The following PHLDB2 variants were observed in gnomAD, a reference collection of about 807,000 sequenced individuals.
The protein encoded by PHLDB2 is pleckstrin homology-like domain family B member 2.
PHLDB2 carries 71 observed loss-of-function variants against 123.6 expected under a neutral mutation model. The observed-to-expected ratio is 0.57, with a 90% confidence interval of 0.47 to 0.70. The LOEUF (loss-of-function observed/expected upper bound fraction) is 0.70. PHLDB2 is among the 30% of genes least tolerant of loss of function. The pLI is 0.00. For missense variants in PHLDB2, 1,446 were observed against 1,519.5 expected (o/e 0.95, Z 0.80); for synonymous variants, 547 against 541.6 (o/e 1.01, Z -0.14).
At chr3:111,847,820 A>C (rs2064067310) in intron 2 of PHLDB2, among the ~76,000 whole-genome samples, 1 of 152,184 alleles carries the variant, frequency 6.6e-6, no homozygotes, top group Non-Finnish European at 1.5e-5. Flanking sequence ...AGTACTATTG[A>C]CAGATATTTA....
chr3:111,966,567 C>A, intron 13 of PHLDB2, 46 bp from the exon 14 acceptor site: 1 of 1,327,514 alleles, frequency 7.5e-7, no homozygotes, highest in African/African-American at 1.5e-5. Context: ...AGAGAGACTT[C>A]TCAGTCTAAA....
chr3:111,816,355 G>T (rs2062076922), intron 1 of PHLDB2, among the ~76,000 whole-genome samples: 1 of 152,216 alleles, frequency 6.6e-6, no homozygotes, highest in African/African-American at 2.4e-5. Context: ...CGTAAAGGGA[G>T]CTGGGAGGGA....
intron 7 of PHLDB2, among the ~76,000 whole-genome samples, chr3:111,940,055 ACC>A (rs1364089001): frequency 6.6e-6 from 1 of 152,168 alleles, no homozygotes; most frequent in East Asian, 1.9e-4. Flanking sequence ...TACTGACTCC[ACC>A]CAACCCCTAG....
At chr3:111,830,298 G>A (rs1294665424) in intron 1 of PHLDB2, among the ~76,000 whole-genome samples, 1 of 152,048 alleles carries the variant, frequency 6.6e-6, no homozygotes, top group East Asian at 1.9e-4. Flanking sequence ...TAATAAGCAG[G>A]GAAACTGAGG....
At chr3:111,855,146 T>C (rs1457060602), upstream of PHLDB2, among the ~76,000 whole-genome samples, 1 of 146,652 alleles carries the variant, frequency 6.8e-6, no homozygotes, top group Non-Finnish European at 1.5e-5. Flanking sequence ...CAAGATAGAG[T>C]TGCTTTAGCC....
rs745585464 is a variant in PHLDB2 at position 111,845,354 on chromosome 3, C to CAAAAA, written c.-48-440_-48-436dup. Among the ~76,000 whole-genome samples, 49 of 39,162 alleles carry CAAAAA rather than the reference C, an allele frequency of 1.3e-3. 5 individuals carry two copies. The highest frequency in any genetic ancestry group is 2.5e-3 in the African/African-American group (21 of 8,290). The allele number at this position is 39,162 out of a possible 152,430, so 25.7% of individuals were successfully genotyped here. On this transcript the variant is annotated intron_variant, in intron 1 of 17. Transcript: ENST00000393923. The stretch of plus-strand genomic sequence containing the variant: ...TGGGTGACAGAGCAAGACTCTGTCT[C>CAAAAA]AAAAAAAAAAAAAAAAAAAAAAAAA...
At chr3:111,869,319 T>A (rs552083523) in intron 1 of PHLDB2, among the ~76,000 whole-genome samples, 1 of 152,278 alleles carries the variant, frequency 6.6e-6, no homozygotes, top group African/African-American at 2.4e-5. Context: ...AATGTTCTCA[T>A]TATCCCCCAT....
chr3:111,845,946 T>C (rs755205495), intron 2 of PHLDB2: 1 of 1,611,154 alleles, frequency 6.2e-7, no homozygotes, highest in Non-Finnish European at 8.5e-7. Flanking sequence ...GTGAGAACTT[T>C]ATTGTCAGAG....
At chr3:111,883,937 C>T (rs990935042) in intron 1 of PHLDB2, 127 bp from the exon 2 acceptor site, 4 of 845,042 alleles carry the variant, frequency 4.7e-6, no homozygotes, top group Non-Finnish European at 7.3e-6. Context: ...TTTAGTAAAA[C>T]TGAGTTTGTG....
chr3:111,801,317 T>G (rs2061369290), intron 1 of PHLDB2, among the ~76,000 whole-genome samples: 1 of 152,106 alleles, frequency 6.6e-6, no homozygotes, highest in African/African-American at 2.4e-5. Context: ...CAGGCCTCCC[T>G]CCCTCCTCTA....
intron 1 of PHLDB2, among the ~76,000 whole-genome samples, chr3:111,737,909 A>G (rs1480686672): frequency 6.6e-6 from 1 of 152,100 alleles, no homozygotes; most frequent in African/African-American, 2.4e-5. Context: ...AGGTTTCACA[A>G]GGTAAACAGC....
At chr3:111,919,728 T>C (rs1320373273) in intron 4 of PHLDB2, among the ~76,000 whole-genome samples, 1 of 152,212 alleles carries the variant, frequency 6.6e-6, no homozygotes, top group Non-Finnish European at 1.5e-5. Flanking sequence ...ATTTTTATGT[T>C]ACCCCCATGG....
intron 1 of PHLDB2, among the ~76,000 whole-genome samples, chr3:111,769,293 C>T (rs532494392): frequency 2.0e-5 from 3 of 152,262 alleles, no homozygotes; most frequent in African/African-American, 7.2e-5. Context: ...ATGGAAAAAC[C>T]AGTCCAAATT....
chr3:111,968,387 G>A (rs1285854780), intron 15 of PHLDB2, among the ~76,000 whole-genome samples: 1 of 152,144 alleles, frequency 6.6e-6, no homozygotes, highest in Non-Finnish European at 1.5e-5. Flanking sequence ...CTGTGCACAA[G>A]CTTGTTGTAT....
chr3:111,761,490 A>C (rs753380018), intron 1 of PHLDB2, among the ~76,000 whole-genome samples: 1 of 152,218 alleles, frequency 6.6e-6, no homozygotes, highest in Non-Finnish European at 1.5e-5. Flanking sequence ...CCTTCATCCT[A>C]AAAAGGCAGA....
At chr3:111,922,154 G>A (rs571081257) in intron 5 of PHLDB2, among the ~76,000 whole-genome samples, 3 of 152,286 alleles carry the variant, frequency 2.0e-5, no homozygotes, top group African/African-American at 2.4e-5. Context: ...TGGAAAACTC[G>A]TGCAACATAG....
chr3:111,840,019 A>G (rs2063611514), intron 1 of PHLDB2, among the ~76,000 whole-genome samples: 1 of 124,256 alleles, frequency 8.0e-6, no homozygotes, highest in Non-Finnish European at 1.6e-5. Context: ...AGGCTGAGGC[A>G]GCAGAATTGC....
chr3:111,868,085 G>T (rs966416285), intron 1 of PHLDB2, among the ~76,000 whole-genome samples: 4 of 151,924 alleles, frequency 2.6e-5, no homozygotes, highest in Admixed American at 6.6e-5. Flanking sequence ...CTGCAGCCTT[G>T]CCCTCCTGGG....
intron 6 of PHLDB2, among the ~76,000 whole-genome samples, chr3:111,935,889 A>C (rs1325598203): frequency 1.3e-5 from 2 of 152,212 alleles, no homozygotes; most frequent in Admixed American, 6.5e-5. Flanking sequence ...AGACACACCC[A>C]GGATCAATAC....
Sources: gnomAD v4.1 joint callset for allele counts (sites outside exome capture counted in the v4.1 genomes callset) on GRCh38, gnomAD v4.1.1 for gene constraint, MANE v1.5 for transcripts, NCBI Gene and HGNC (gene_info 2026-07-23, HGNC 2026-07-21) for gene names.